The following RABEP2 variants were observed in gnomAD, a reference collection of about 807,000 sequenced individuals.
RABEP2 encodes rab GTPase-binding effector protein 2.
Under a neutral mutation model 74.1 loss-of-function variants are expected in RABEP2, and 57 were observed. That is an observed-to-expected ratio of 0.77 (90% confidence interval 0.62 to 0.96). The LOEUF (loss-of-function observed/expected upper bound fraction) is 0.96. Among genes scored for constraint, RABEP2 ranks in the 40% least tolerant of loss-of-function variants. The probability of loss-of-function intolerance (pLI) is 0.00; values close to 1 mark genes in which losing one functional copy is unlikely to be tolerated. For missense variants in RABEP2, 692 were observed against 756.3 expected, an observed-to-expected ratio of 0.91 and a Z score of 1.00; for synonymous variants, 351 against 344.0, an observed-to-expected ratio of 1.02 and a Z score of -0.23.
chr16:28,924,157 T>A lies in RABEP2; in HGVS notation c.274+246A>T, dbSNP rs1390201622. The A allele has an allele frequency of 3.7e-5, 20 of 545,786 alleles. No homozygotes were observed. The East Asian group carries it at 6.3e-4, about 17-fold the overall frequency. The allele number at this position is 545,786 out of a possible 1,614,324, so 33.8% of individuals were successfully genotyped here. On this transcript the variant is annotated intron_variant, in intron 2 of 12. Coordinates refer to ENST00000358201, the MANE Select transcript of RABEP2 (RefSeq NM_024816.3). ...CATCAGTGAGGGACAAGAAATGACA[T>A]GGGACAAGGCAACAGATAGAAGCTG...
At position 28,904,579 on chromosome 16, in the gene RABEP2, CCT is replaced by C; in HGVS notation, c.*362_*363del. 3.8e-6 allele frequency: 5 copies of C among 1,311,340 alleles called. No individual in the cohort carries two copies. The highest frequency in any genetic ancestry group is 5.1e-6 in the Non-Finnish European group (5 of 987,122). The allele number at this position is 1,311,340 out of a possible 1,614,324, so 81.2% of individuals were successfully genotyped here. ...CCCAGGGCCGGGGCCCACCTCACTG[CCT>C]CTGATGGGGACTCCCAGCCCCCATG... On this transcript the variant is annotated 3_prime_UTR_variant, in exon 13 of 13. Transcript: ENST00000358201.
intron 5 of RABEP2, among the ~76,000 whole-genome samples, chr16:28,912,964 T>C (rs1354463731): frequency 2.0e-5 from 3 of 151,904 alleles, no homozygotes; most frequent in Non-Finnish European, 4.4e-5. Context: ...TTTTTTCTCT[T>C]TTTTTTTGAG....
At position 28,925,237 on chromosome 16, in the gene RABEP2, T is replaced by G. The variant is rs1964520178; in HGVS notation, c.-74A>C. The G allele has an allele frequency of 6.8e-7, 1 of 1,471,170 alleles. No homozygotes were observed. The highest frequency in any genetic ancestry group is 9.0e-7 in the Non-Finnish European group (1 of 1,116,374). 91.1% of individuals were successfully genotyped at this position (1,471,170 alleles called of 1,614,324 possible). A position where few individuals can be genotyped will look rare whatever the true frequency, so the allele number is the denominator to read the frequency against. On this transcript the variant is annotated 5_prime_UTR_variant, in exon 1 of 13. Transcript: ENST00000358201. ...ACCGCTTCCGGGTCCTCTCGGCTGT[T>G]TCCGGATCCGCTCGGCTGTTTCCGG...
intron 7 of RABEP2, among the ~76,000 whole-genome samples, chr16:28,910,053 A>G (rs922992058): frequency 4.2e-5 from 6 of 144,104 alleles, no homozygotes; most frequent in African/African-American, 7.8e-5. Context: ...AAAAAAAAAT[A>G]GGAGACAATA....
chr16:28,914,293 C>G lies in RABEP2; in HGVS notation c.837G>C (p.Leu279=). Residue 279 remains leucine, a synonymous_variant, in exon 5 of 13, where the codon CTG becomes CTC. Transcript: ENST00000358201. ...GGACGAGCTGGTAGCCAGGAGGGGG[C>G]AGGTAGATGCCCTCGGGAACCAGGG... The part of the protein sequence containing the change: ...TGTLVPEGIY[L]PPPGYQLVPD... 6.2e-7 allele frequency: 1 copy of G among 1,612,540 alleles called. No individual in the cohort carries two copies. The highest frequency in any genetic ancestry group is 8.5e-7 in the Non-Finnish European group (1 of 1,179,874).
intron 8 of RABEP2, among the ~76,000 whole-genome samples, chr16:28,908,364 AAACC>A (rs1164389265): frequency 2.0e-5 from 3 of 152,254 alleles, no homozygotes; most frequent in African/African-American, 7.2e-5. Flanking sequence ...TAAAAATAGC[AAACC>A]AACCAAATGA....
chr16:28,914,894 G>A, intron 3 of RABEP2, 112 bp from the exon 4 acceptor site: 1 of 853,618 alleles, frequency 1.2e-6, no homozygotes, highest in South Asian at 1.7e-5. Flanking sequence ...CTCCCTAGAA[G>A]GTGCTGTCCA....
chr16:28,914,420 A>G lies in RABEP2; in HGVS notation c.710T>C (p.Phe237Ser), dbSNP rs758936334. 18 of 1,613,450 alleles carry G rather than the reference A, an allele frequency of 1.1e-5. No homozygotes were observed. Among genetic ancestry groups the G allele is most frequent in the Non-Finnish European group, 1.1e-5 (13 of 1,179,980 alleles). Residue 237 changes from phenylalanine (F) to serine (S), a missense_variant, in exon 5 of 13, where the codon TTC becomes TCC. Physicochemically the swap from Phe to Ser is radical, Grantham distance 155. Coordinates refer to ENST00000358201, the MANE Select transcript of RABEP2 (RefSeq NM_024816.3). ...GCTGCCGACCCCACCGCCAAGGGAG[A>G]AGGAGGAGATGGAGGCGCTGTCATC... ...NCDDSASISS[F>S]SLGGGVGSSS...
chr16:28,914,418 A>T lies in RABEP2; in HGVS notation c.712T>A (p.Ser238Thr), dbSNP rs1194687407. Residue 238 changes from serine (S) to threonine (T), a missense_variant, in exon 5 of 13, where the codon TCC becomes ACC. Transcript: ENST00000358201. Reference protein sequence around the residue: ...CDDSASISSFSLGGGVGSSSS... With the variant: ...CDDSASISSFTLGGGVGSSSS... ...CTGCTGCCGACCCCACCGCCAAGGG[A>T]GAAGGAGGAGATGGAGGCGCTGTCA... 6.2e-7 allele frequency: 1 copy of T among 1,613,360 alleles called. No homozygotes were observed. Among genetic ancestry groups the T allele is most frequent in the East Asian group, 2.2e-5 (1 of 44,890 alleles).
chr16:28,924,167 C>G, intron 2 of RABEP2: 1 of 562,724 alleles, frequency 1.8e-6, no homozygotes, highest in Non-Finnish European at 3.2e-6. Context: ...TGGGACAAGG[C>G]AACAGATAGA....
Position 28,914,696 on chromosome 16 carries a change from G to A in RABEP2, c.519C>T (p.Ala173=), listed in dbSNP as rs1240198633. The part of the protein sequence containing the change: ...IEELKAKLLR[A]EELIQEIQRR... ...CCTGGATCTCCTGAATCAGCTCCTC[G>A]GCCCTCAGCAGCTTCGCCTTCAGCT... The change falls in exon 4 of 13, where the codon GCC becomes GCT. Residue 173 remains alanine, a synonymous_variant. Coordinates refer to ENST00000358201, the MANE Select transcript of RABEP2 (RefSeq NM_024816.3). 5.0e-6 allele frequency: 8 copies of A among 1,614,142 alleles called. No homozygotes were observed. Among genetic ancestry groups the A allele is most frequent in the South Asian group, 1.1e-5 (1 of 91,086 alleles).
chr16:28,921,146 G>A, intron 2 of RABEP2: 1 of 455,286 alleles, frequency 2.2e-6, no homozygotes, highest in South Asian at 1.6e-5. Flanking sequence ...TTACAGGCAT[G>A]AGCCACCACA....
Position 28,919,927 on chromosome 16 carries a change from A to G in RABEP2, c.291T>C (p.Tyr97=). 6.7e-7 allele frequency: 1 copy of G among 1,491,020 alleles called. No homozygotes were observed. The highest frequency in any genetic ancestry group is 1.1e-5 in the South Asian group (1 of 88,198). The allele number at this position is 1,491,020 out of a possible 1,614,324, so 92.4% of individuals were successfully genotyped here. The change falls in exon 3 of 13, where the codon TAT becomes TAC. Residue 97 remains tyrosine, a synonymous_variant. Transcript: ENST00000358201. ...QAILKDSISS[Y]EAQITALKQE... is the part of the protein sequence containing the mutation. ...GCTTCAGGGCGGTGATCTGGGCTTCATAGCTGCTGATGGAGTCTGGTGGGG... is the reference window on the plus strand; with the variant it reads ...GCTTCAGGGCGGTGATCTGGGCTTCGTAGCTGCTGATGGAGTCTGGTGGGG...
rs984827077 is a variant in RABEP2, at chr16:28,906,131, G to A, written c.1311C>T (p.His437=). The change falls in exon 9 of 13, where the codon CAC becomes CAT. Residue 437 remains histidine (H), a synonymous_variant. Coordinates refer to ENST00000358201, the MANE Select transcript of RABEP2 (RefSeq NM_024816.3). The part of the protein sequence containing the change: ...EARARLQAQE[H]GAERLRIEIV... ...TCTCGATCCGCAGGCGCTCGGCCCC[G>A]TGCTCCTGGGCCTGCAGCCGGGCCC... is the stretch of plus-strand genomic sequence containing the variant. 46 of 1,578,528 alleles carry A rather than the reference G, an allele frequency of 2.9e-5. No homozygotes were observed. Among genetic ancestry groups the A allele is most frequent in the East Asian group, 1.6e-4 (7 of 42,856 alleles).
intron 3 of RABEP2, among the ~76,000 whole-genome samples, chr16:28,916,987 CA>C (rs568583339): frequency 0.27 from 25,081 of 92,220 alleles, 2,018 homozygotes; most frequent in East Asian, 0.33. Context: ...GACTCCATCT[CA>C]AAAAAAAAAA....
At chr16:28,924,924 C>T (rs762898589) in intron 1 of RABEP2, 179 bp downstream of exon 1, 4 of 855,092 alleles carry the variant, frequency 4.7e-6, no homozygotes, top group South Asian at 4.3e-5. Context: ...TGGCCCTACC[C>T]CTTCAATGGC....
chr16:28,904,433 CT>C lies in RABEP2; in HGVS notation c.*509del. On this transcript the variant is annotated 3_prime_UTR_variant, in exon 13 of 13. Coordinates refer to ENST00000358201, the MANE Select transcript of RABEP2 (RefSeq NM_024816.3). ...CAAGGCGACCGACTGCGCTGAGCTGCTTATTTATTGAAAATAAACGACGGAA... is the reference window on the plus strand; with the variant it reads ...CAAGGCGACCGACTGCGCTGAGCTGCTATTTATTGAAAATAAACGACGGAA... 1 of 1,530,312 alleles carries C rather than the reference CT, an allele frequency of 6.5e-7. No individual in the cohort carries two copies. Among genetic ancestry groups the C allele is most frequent in the Middle Eastern group, 1.7e-4 (1 of 5,936 alleles). 94.8% of individuals were successfully genotyped at this position (1,530,312 alleles called of 1,614,324 possible). A position where few individuals can be genotyped will look rare whatever the true frequency, so the allele number is the denominator to read the frequency against.
At position 28,923,695 on chromosome 16, in the gene RABEP2, G is replaced by A. The variant is rs542168363; in HGVS notation, c.274+708C>T. ...GTTAGAAAGGGAAATCGCATGTTGG[G>A]AAGGGAATTTTAGGAAGTTTACTCT... is the stretch of plus-strand genomic sequence containing the variant. On this transcript the variant is annotated intron_variant, in intron 2 of 12. Coordinates refer to ENST00000358201, the MANE Select transcript of RABEP2 (RefSeq NM_024816.3). Among the ~76,000 whole-genome samples, 4 of 152,314 alleles carry A rather than the reference G, an allele frequency of 2.6e-5. No homozygotes were observed. In the South Asian group the frequency reaches 8.3e-4, roughly 32 times the overall value.
At chr16:28,921,254 G>A (rs752364921) in intron 2 of RABEP2, 4 of 455,718 alleles carry the variant, frequency 8.8e-6, no homozygotes, top group South Asian at 3.1e-5. Flanking sequence ...GCCTGCCACC[G>A]GGAGCTCACA....
Sources: gnomAD v4.1 joint callset for allele counts (sites outside exome capture counted in the v4.1 genomes callset) on GRCh38, gnomAD v4.1.1 for gene constraint, MANE v1.5 for transcripts, NCBI Gene and HGNC (gene_info 2026-07-23, HGNC 2026-07-21) for gene names.